The following RANBP2 variants were observed in gnomAD, a reference collection of about 807,000 sequenced individuals.
RANBP2 encodes RAN binding protein 2.
Under a neutral mutation model 303.6 loss-of-function variants are expected in RANBP2, and 57 were observed. The observed-to-expected ratio is 0.19, with a 90% confidence interval of 0.15 to 0.23. The LOEUF (loss-of-function observed/expected upper bound fraction) is 0.23, where lower values mean the gene tolerates loss of function less well. Ranked by LOEUF, RANBP2 falls within the 10% of genes least tolerant of loss-of-function variation. RANBP2 has a pLI of 1.00. For missense variants in RANBP2, 3,138 were observed against 3,780.8 expected, an observed-to-expected ratio of 0.83 and a Z score of 4.46; for synonymous variants, 1,167 against 1,301.5, an observed-to-expected ratio of 0.90 and a Z score of 2.23.
At chr2:109,182,513 G>A in the RANBP2 span, among the ~76,000 whole-genome samples, 1 of 152,202 alleles carries the variant, frequency 6.6e-6, no homozygotes, top group Admixed American at 6.5e-5. Context: ...ATCTCACATA[G>A]TCAGGTGTTT....
At chr2:109,291,766 A>G in the RANBP2 span, among the ~76,000 whole-genome samples, 8 of 152,194 alleles carry the variant, frequency 5.3e-5, no homozygotes, top group Admixed American at 5.2e-4. Flanking sequence ...GAACTTGGTA[A>G]GGTCTCCAGT....
chr2:109,195,156 A>G, the RANBP2 span, among the ~76,000 whole-genome samples: 1 of 152,200 alleles, frequency 6.6e-6, no homozygotes, highest in African/African-American at 2.4e-5. Context: ...AAAAAGGACA[A>G]TTTGGTTCTC....
the RANBP2 span, among the ~76,000 whole-genome samples, chr2:109,323,614 A>G: frequency 3.4e-4 from 51 of 151,986 alleles, no homozygotes; most frequent in African/African-American, 1.2e-3. Flanking sequence ...GGGGCTGGAG[A>G]CTCCTGATGT....
the RANBP2 span, among the ~76,000 whole-genome samples, chr2:109,405,213 C>T: frequency 1.8e-4 from 28 of 152,304 alleles, no homozygotes; most frequent in Admixed American, 8.5e-4. Flanking sequence ...TCAACTTCAG[C>T]GCATGCCAGG....
At chr2:109,202,900 G>A in the RANBP2 span, among the ~76,000 whole-genome samples, 1 of 152,232 alleles carries the variant, frequency 6.6e-6, no homozygotes, top group African/African-American at 2.4e-5. Flanking sequence ...GTTTTGTCCC[G>A]ATAGTAATGT....
the RANBP2 span, chr2:109,567,729 G>C: frequency 7.2e-6 from 9 of 1,250,472 alleles, no homozygotes; most frequent in East Asian, 2.3e-4. Context: ...AGACACAAGT[G>C]AAAGTGTATT....
At chr2:109,148,598 C>G in the RANBP2 span, among the ~76,000 whole-genome samples, 1 of 152,180 alleles carries the variant, frequency 6.6e-6, no homozygotes, top group South Asian at 2.1e-4. Context: ...CAGTAAAATA[C>G]TCGATTATGT....
the RANBP2 span, among the ~76,000 whole-genome samples, chr2:109,068,696 G>T: frequency 6.6e-6 from 1 of 152,180 alleles, no homozygotes; most frequent in Non-Finnish European, 1.5e-5. Flanking sequence ...TGAGCCCCAG[G>T]TTGGCCATTA....
At chr2:109,527,120 A>G in the RANBP2 span, among the ~76,000 whole-genome samples, 3 of 152,350 alleles carry the variant, frequency 2.0e-5, no homozygotes, top group African/African-American at 7.2e-5. Flanking sequence ...GTGCACAAAT[A>G]CACATACCTA....
At chr2:109,590,050 G>GTATATATATACACACATATATA in the RANBP2 span, among the ~76,000 whole-genome samples, 5 of 144,022 alleles carry the variant, frequency 3.5e-5, no homozygotes, top group South Asian at 4.8e-4. Context: ...ACATATATAT[G>GTATATATATACACACATATATA]TGTGTGTATA....
At chr2:108,856,842 C>G in the RANBP2 span, 1 of 1,613,208 alleles carries the variant, frequency 6.2e-7, no homozygotes, top group South Asian at 1.1e-5. Context: ...GACTTGAAGA[C>G]AGAAGAAGGA....
chr2:108,916,487 G>A, the RANBP2 span, among the ~76,000 whole-genome samples: 1 of 152,192 alleles, frequency 6.6e-6, no homozygotes, highest in Admixed American at 6.5e-5. Context: ...AATGCCTGCA[G>A]ATGTGACATC....
At chr2:108,900,680 A>G in the RANBP2 span, among the ~76,000 whole-genome samples, 2 of 152,252 alleles carry the variant, frequency 1.3e-5, no homozygotes, top group Non-Finnish European at 2.9e-5. Context: ...ACTCACTTCA[A>G]TATAATGAGA....
chr2:109,721,892 G>A, the RANBP2 span, among the ~76,000 whole-genome samples: 1 of 152,218 alleles, frequency 6.6e-6, no homozygotes, highest in Non-Finnish European at 1.5e-5. Context: ...GCCTCTCTAG[G>A]TGGGCTCTGG....
the RANBP2 span, among the ~76,000 whole-genome samples, chr2:109,469,597 C>A: frequency 6.6e-6 from 1 of 151,830 alleles, no homozygotes; most frequent in East Asian, 1.9e-4. Context: ...GGTGGGCTGG[C>A]AATGGGAGCT....
intron 7 of RANBP2, among the ~76,000 whole-genome samples, chr2:108,745,503 G>T (rs1389240853): frequency 1.3e-5 from 2 of 149,472 alleles, no homozygotes; most frequent in African/African-American, 4.9e-5. Context: ...CTACCTGTTG[G>T]TCTTGTTTCT....
chr2:109,019,537 T>G, the RANBP2 span, among the ~76,000 whole-genome samples: 1 of 152,280 alleles, frequency 6.6e-6, no homozygotes, highest in South Asian at 2.1e-4. Context: ...TTCTCCAGGA[T>G]GCCTGACACT....
At chr2:109,448,745 A>G in the RANBP2 span, among the ~76,000 whole-genome samples, 2 of 152,186 alleles carry the variant, frequency 1.3e-5, no homozygotes, top group South Asian at 2.1e-4. Flanking sequence ...TAACAAATGT[A>G]ATGCACTTGA....
chr2:108,795,362 G>A, the RANBP2 span, among the ~76,000 whole-genome samples: 2 of 152,048 alleles, frequency 1.3e-5, no homozygotes, highest in East Asian at 3.9e-4. Flanking sequence ...CACCATGTTG[G>A]CTAGGCTGGT....
Sources: allele counts gnomAD v4.1 joint callset (sites outside exome capture counted in the v4.1 genomes callset), GRCh38; gene constraint gnomAD v4.1.1; transcripts MANE v1.5; gene names NCBI Gene and HGNC (gene_info 2026-07-23, HGNC 2026-07-21).